The following RANBP10 variants were observed in gnomAD, a reference collection of about 807,000 sequenced individuals.
RANBP10 encodes the protein ran-binding protein 10.
In RANBP10, 24 loss-of-function variants were observed where a neutral mutation model predicts 72.8. The observed-to-expected ratio is 0.33, with a 90% confidence interval of 0.24 to 0.46. RANBP10 has a LOEUF of 0.46. Ranked by LOEUF, RANBP10 falls within the 20% of genes least tolerant of loss-of-function variation. RANBP10 has a pLI of 1.00. For missense variants in RANBP10, 679 were observed against 817.5 expected (o/e 0.83, Z 2.07); for synonymous variants, 310 against 322.3 (o/e 0.96, Z 0.41).
chr16:67,765,907 G>C (rs551910569), intron 3 of RANBP10, among the ~76,000 whole-genome samples: 1 of 152,110 alleles, frequency 6.6e-6, no homozygotes, highest in East Asian at 1.9e-4. Flanking sequence ...CAGCTACTTG[G>C]GAGGCTGAGG....
At chr16:67,791,141 G>A (rs2055018467) in intron 2 of RANBP10, among the ~76,000 whole-genome samples, 2 of 151,686 alleles carry the variant, frequency 1.3e-5, no homozygotes, top group African/African-American at 4.8e-5. Flanking sequence ...AGCCTCCCAA[G>A]TAGCTGGGAC....
rs115092442 is a variant in RANBP10 at position 67,796,652 on chromosome 16, T to C, written c.347+8776A>G. Among the ~76,000 whole-genome samples, 900 of 152,292 alleles carry C rather than the reference T, an allele frequency of 5.9e-3. 6 individuals carry two copies. Among genetic ancestry groups the C allele is most frequent in the African/African-American group, 0.02 (841 of 41,562 alleles). On this transcript the variant is annotated intron_variant, in intron 2 of 13. Transcript: ENST00000317506. Reference sequence around the variant, plus strand: ...AGAAGCTGAGGGTATTGTGGGGTATTGGGGCCTTCACACTTGCCACCCCTG... The same window carrying C: ...AGAAGCTGAGGGTATTGTGGGGTATCGGGGCCTTCACACTTGCCACCCCTG...
At chr16:67,750,407 T>C (rs1284699733) in intron 3 of RANBP10, among the ~76,000 whole-genome samples, 1 of 152,222 alleles carries the variant, frequency 6.6e-6, no homozygotes, top group African/African-American at 2.4e-5. Context: ...GGTTCTCCCC[T>C]TGCACACTGC....
At chr16:67,750,105 G>T (rs1192993398) in intron 3 of RANBP10, among the ~76,000 whole-genome samples, 1 of 152,170 alleles carries the variant, frequency 6.6e-6, no homozygotes, top group Non-Finnish European at 1.5e-5. Context: ...GTTGCCAGGG[G>T]TCTGGGATGC....
chr16:67,744,394 C>T lies in RANBP10; in HGVS notation c.462G>A (p.Gly154=), dbSNP rs2054028363. 6.2e-7 allele frequency: 1 copy of T among 1,614,208 alleles called. No individual in the cohort carries two copies. The highest frequency in any genetic ancestry group is 8.5e-7 in the Non-Finnish European group (1 of 1,180,024). ...GDDGHSFCSS[G]TGQPYGPTFT... is the part of the protein sequence containing the mutation. ...ATGTGGGACCATAGGGCTGGCCAGT[C>T]CCCGAGGAGCAGAACGAATGCCCAT... Residue 154 remains glycine (G), a synonymous_variant, in exon 4 of 14, where the codon GGG becomes GGA. Transcript: ENST00000317506.
At chr16:67,742,537 A>G (rs1311127354) in intron 4 of RANBP10, among the ~76,000 whole-genome samples, 1 of 152,180 alleles carries the variant, frequency 6.6e-6, no homozygotes, top group Non-Finnish European at 1.5e-5. Context: ...AAAACAGCCT[A>G]AGGGCTTGAG....
At chr16:67,744,142 C>T in intron 4 of RANBP10, 146 bp downstream of exon 4, 2 of 1,458,148 alleles carry the variant, frequency 1.4e-6, no homozygotes, top group Non-Finnish European at 1.8e-6. Flanking sequence ...ACCCTCTATT[C>T]ACCTGAAAGG....
At chr16:67,791,096 C>T (rs1356507249) in intron 2 of RANBP10, among the ~76,000 whole-genome samples, 1 of 151,934 alleles carries the variant, frequency 6.6e-6, no homozygotes, top group Non-Finnish European at 1.5e-5. Context: ...TCACTGCAAC[C>T]TCTGCCTCCC....
At chr16:67,788,266 CTTTT>C (rs1407642747) in intron 2 of RANBP10, among the ~76,000 whole-genome samples, 2 of 150,196 alleles carry the variant, frequency 1.3e-5, no homozygotes, top group African/African-American at 4.9e-5. Flanking sequence ...ATTTTTTTTT[CTTTT>C]GAGACAGAGT....
intron 2 of RANBP10, among the ~76,000 whole-genome samples, chr16:67,789,762 T>C (rs1398672699): frequency 1.3e-5 from 2 of 150,644 alleles, no homozygotes; most frequent in Admixed American, 6.6e-5. Context: ...TGAGCCACCA[T>C]GCCCAGACAA....
intron 3 of RANBP10, among the ~76,000 whole-genome samples, chr16:67,763,915 T>A (rs1199473090): frequency 6.6e-6 from 1 of 152,186 alleles, no homozygotes; most frequent in South Asian, 2.1e-4. Context: ...CAGGCTAGTC[T>A]TGAACTTCTG....
chr16:67,749,748 G>T (rs1405688362), intron 3 of RANBP10, among the ~76,000 whole-genome samples: 2 of 152,176 alleles, frequency 1.3e-5, no homozygotes, highest in African/African-American at 2.4e-5. Flanking sequence ...CTTTTCTCAG[G>T]CATCAACTCG....
intron 2 of RANBP10, among the ~76,000 whole-genome samples, chr16:67,802,944 T>A (rs1313924974): frequency 6.6e-6 from 1 of 152,194 alleles, no homozygotes; most frequent in Non-Finnish European, 1.5e-5. Flanking sequence ...TCTACCTAGA[T>A]AACTAACTCA....
chr16:67,779,543 G>A (rs1490611939), intron 2 of RANBP10, among the ~76,000 whole-genome samples: 1 of 152,094 alleles, frequency 6.6e-6, no homozygotes, highest in African/African-American at 2.4e-5. Context: ...TGCATCTATG[G>A]AACAGGAAGA....
chr16:67,740,307 G>A (rs759276632), intron 4 of RANBP10, among the ~76,000 whole-genome samples: 24 of 151,964 alleles, frequency 1.6e-4, no homozygotes, highest in Non-Finnish European at 2.2e-4. Context: ...GGGTTTCACC[G>A]TGTTAGCCAG....
intron 6 of RANBP10, among the ~76,000 whole-genome samples, chr16:67,732,051 G>A (rs1345063400): frequency 2.0e-5 from 3 of 152,124 alleles, no homozygotes; most frequent in African/African-American, 7.2e-5. Flanking sequence ...ACAGACACAG[G>A]AGCCCCTCTG....
rs1180777418 is a variant in RANBP10, at chr16:67,764,356, C to T, written c.400+7678G>A. The stretch of plus-strand genomic sequence containing the variant: ...AAGTTAACCTCTTTTCTTGGGCTGA[C>T]TCAGATAAGGGCCGCTTAACTCACA... On this transcript the variant is annotated intron_variant, in intron 3 of 13. Transcript: ENST00000317506. Among the ~76,000 whole-genome samples the T allele has an allele frequency of 2.6e-5, 4 of 152,178 alleles. No individual in the cohort carries two copies. In the East Asian group the frequency reaches 7.7e-4, roughly 29 times the overall value.
chr16:67,793,316 T>G (rs2143019331), intron 2 of RANBP10, among the ~76,000 whole-genome samples: 1 of 150,982 alleles, frequency 6.6e-6, no homozygotes, highest in Non-Finnish European at 1.5e-5. Flanking sequence ...TAATTTTTTT[T>G]TTTTTTTTTT....
intron 2 of RANBP10, among the ~76,000 whole-genome samples, chr16:67,797,393 G>A (rs757948938): frequency 6.6e-6 from 1 of 152,286 alleles, no homozygotes; most frequent in African/African-American, 2.4e-5. Context: ...CACAGGCCAG[G>A]TGTGGTGGCT....
Sources: gnomAD v4.1 joint callset for allele counts (sites outside exome capture counted in the v4.1 genomes callset) on GRCh38, gnomAD v4.1.1 for gene constraint, MANE v1.5 for transcripts, NCBI Gene and HGNC (gene_info 2026-07-23, HGNC 2026-07-21) for gene names.